MYO18B: variants seen among roughly 807,000 people sequenced by gnomAD.
MYO18B encodes the protein myosin XVIIIB, also known as unconventional myosin-XVIIIb.
A neutral mutation model predicts 273.0 loss-of-function variants in MYO18B; 204 were observed. That is an observed-to-expected ratio of 0.75 (90% CI 0.67 to 0.84). MYO18B has a LOEUF of 0.84. MYO18B is among the 40% of genes least tolerant of loss of function. MYO18B has a pLI of 0.00. For synonymous variants in MYO18B, 1,330 were observed against 1,305.7 expected (o/e 1.02, Z -0.40); for missense variants, 3,212 against 3,287.6 (o/e 0.98, Z 0.56).
chr22:25,922,352 TGGC>T (rs1210255553), intron 34 of MYO18B, among the ~76,000 whole-genome samples: 1 of 152,070 alleles, frequency 6.6e-6, no homozygotes, highest in Non-Finnish European at 1.5e-5. Flanking sequence ...GCGGTTGCGG[TGGC>T]AGACTGTGGC....
intron 32 of MYO18B, among the ~76,000 whole-genome samples, 159 bp downstream of exon 32, chr22:25,908,591 T>A (rs544421890): frequency 1.5e-4 from 23 of 152,288 alleles, no homozygotes; most frequent in African/African-American, 5.5e-4. Flanking sequence ...TTCAAAGGTG[T>A]AGGAGCGGAA....
chr22:25,752,925 A>T (rs1353225085), intron 1 of MYO18B, among the ~76,000 whole-genome samples: 3 of 152,176 alleles, frequency 2.0e-5, no homozygotes, highest in Admixed American at 1.3e-4. Flanking sequence ...AGCCCCGGAC[A>T]GTGAGGCGCT....
At chr22:26,017,994 G>A (rs1285264927) in intron 42 of MYO18B, among the ~76,000 whole-genome samples, 3 of 145,340 alleles carry the variant, frequency 2.1e-5, no homozygotes, top group Admixed American at 2.1e-4. Context: ...TTTTTTTGCG[G>A]GGGCAGGGGG....
At chr22:26,024,065 CAGA>C (rs1326998951) in intron 42 of MYO18B, among the ~76,000 whole-genome samples, 1 of 152,194 alleles carries the variant, frequency 6.6e-6, no homozygotes, top group Non-Finnish European at 1.5e-5. Flanking sequence ...TACGGTGAGA[CAGA>C]AGGTCACTTG....
intron 34 of MYO18B, among the ~76,000 whole-genome samples, chr22:25,927,070 A>G (rs1280795742): frequency 1.3e-5 from 2 of 152,156 alleles, no homozygotes; most frequent in African/African-American, 4.8e-5. Flanking sequence ...GAGGATGTAT[A>G]TCGCCTCAGG....
intron 12 of MYO18B, among the ~76,000 whole-genome samples, chr22:25,804,401 T>C (rs1157668827): frequency 6.6e-6 from 1 of 152,202 alleles, no homozygotes; most frequent in East Asian, 1.9e-4. Context: ...TCACCGGACC[T>C]GAGGAAATAT....
At chr22:25,745,831 G>T (rs1418830133) in intron 1 of MYO18B, among the ~76,000 whole-genome samples, 7 of 152,170 alleles carry the variant, frequency 4.6e-5, no homozygotes, top group Non-Finnish European at 8.8e-5. Flanking sequence ...GGTACCAGCT[G>T]GGGTTTGAGT....
intron 22 of MYO18B, among the ~76,000 whole-genome samples, chr22:25,869,613 C>T (rs537313951): frequency 1.3e-5 from 2 of 152,278 alleles, no homozygotes; most frequent in East Asian, 1.9e-4. Flanking sequence ...TTGTCAATGG[C>T]CTTCCACCTC....
chr22:25,743,051 C>T (rs894133778), intron 1 of MYO18B, among the ~76,000 whole-genome samples: 1 of 152,252 alleles, frequency 6.6e-6, no homozygotes, highest in Non-Finnish European at 1.5e-5. Flanking sequence ...TGCCTTCCTG[C>T]AGCTTTTCCA....
chr22:25,901,259 A>T (rs767821229), intron 29 of MYO18B: 1 of 152,248 alleles, frequency 6.6e-6, no homozygotes, highest in Non-Finnish European at 1.5e-5. Flanking sequence ...CTTGCCACCA[A>T]AGGCCAAACC....
chr22:25,816,225 C>T lies in MYO18B; in HGVS notation c.2522-7280C>T, dbSNP rs569895765. On this transcript the variant is annotated intron_variant, in intron 12 of 43. Coordinates refer to ENST00000335473, the MANE Select transcript of MYO18B (RefSeq NM_032608.7). The stretch of plus-strand genomic sequence containing the variant: ...TGAATTGGATTTTCTCCCGGGGTTT[C>T]TCTTTCTGACCCATTTGTCATTTTT... 3.3e-5 allele frequency among the ~76,000 whole-genome samples: 5 copies of T among 152,310 alleles called. No homozygotes were observed. The East Asian group carries it at 9.6e-4, about 29-fold the overall frequency.
intron 13 of MYO18B, among the ~76,000 whole-genome samples, chr22:25,824,338 T>C (rs2089406873): frequency 6.6e-6 from 1 of 152,072 alleles, no homozygotes; most frequent in Non-Finnish European, 1.5e-5. Context: ...GGGGCTAGTT[T>C]ACAAGCTGAG....
chr22:25,781,765 G>T lies in MYO18B; in HGVS notation c.2243G>T (p.Arg748Leu). 6.3e-7 allele frequency: 1 copy of T among 1,589,946 alleles called. No individual in the cohort carries two copies. The highest frequency in any genetic ancestry group is 8.6e-7 in the Non-Finnish European group (1 of 1,169,326). Reference sequence around the variant, plus strand: ...CTTTTGGAGAAGAGCCGCGTGGCACGGCAGCCGGAAGGGGAAAGTAACTTC... The same window carrying T: ...CTTTTGGAGAAGAGCCGCGTGGCACTGCAGCCGGAAGGGGAAAGTAACTTC... ...TMLLEKSRVARQPEGESNFLV... is the reference protein window; with the variant it reads ...TMLLEKSRVALQPEGESNFLV... Residue 748 changes from arginine (R) to leucine (L), a missense_variant, in exon 10 of 44, where the codon CGG becomes CTG. Arg to Leu is a moderately radical substitution (Grantham distance 102, BLOSUM62 -2). Transcript: ENST00000335473.
chr22:25,894,970 T>C (rs1182391537), intron 27 of MYO18B, 186 bp from the exon 28 acceptor site: 1 of 660,630 alleles, frequency 1.5e-6, no homozygotes, highest in Non-Finnish European at 2.5e-6. Context: ...ACAGGCTGCC[T>C]GGAGGAAGCG....
In MYO18B at chr22:25,843,909, G is replaced by A. The variant is rs1411096278; in HGVS notation, c.3368+15G>A. 7 of 1,592,960 alleles carry A rather than the reference G, an allele frequency of 4.4e-6. No individual in the cohort carries two copies. The highest frequency in any genetic ancestry group is 6.0e-6 in the Non-Finnish European group (7 of 1,163,128). ...CAGTCAAAAAGGTGAGTTGGGTCAG[G>A]GTTGGGGACGGGGATGGAGCATTGG... On this transcript the variant is annotated intron_variant, in intron 18 of 43. Transcript: ENST00000335473.
Position 25,894,919 on chromosome 22 carries a change from A to G in MYO18B, c.4544-237A>G, listed in dbSNP as rs1222266149. ...AGTATAAGGCAACCAATCTTAGAAG[A>G]GTGAGCACTCAAGAACTTTAGACAG... is the stretch of plus-strand genomic sequence containing the variant. On this transcript the variant is annotated intron_variant, in intron 27 of 43. Coordinates refer to ENST00000335473, the MANE Select transcript of MYO18B (RefSeq NM_032608.7). The G allele has an allele frequency of 6.2e-6, 3 of 485,340 alleles. No individual in the cohort carries two copies. In the East Asian group the frequency reaches 1.1e-4, roughly 17 times the overall value. 30.1% of individuals were successfully genotyped at this position (485,340 alleles called of 1,614,324 possible). A position where few individuals can be genotyped will look rare whatever the true frequency, so the allele number is the denominator to read the frequency against.
the MYO18B span, among the ~76,000 whole-genome samples, chr22:26,041,111 A>G: frequency 6.6e-6 from 1 of 152,120 alleles, no homozygotes; most frequent in East Asian, 1.9e-4. Flanking sequence ...CCCAACAGAA[A>G]CTCATAAACT....
the MYO18B span, among the ~76,000 whole-genome samples, chr22:26,052,850 T>G: frequency 1.3e-5 from 2 of 151,154 alleles, no homozygotes; most frequent in East Asian, 3.9e-4. Context: ...TCGCTCAGGC[T>G]GGAGTGCAGT....
At position 25,883,959 on chromosome 22, in the gene MYO18B, G is replaced by C. The variant is rs572679146; in HGVS notation, c.4314+5911G>C. On this transcript the variant is annotated intron_variant, in intron 25 of 43. Transcript: ENST00000335473. This position sits in a 1 kb window ranked among gnomAD's most constrained non-coding sequence, Gnocchi z 7.6. ...AGAAGGCAGTGCTGGCCTTCTTGTT[G>C]GAAGCACCTGTAAGGTTTTGGGACC... is the stretch of plus-strand genomic sequence containing the variant. Among the ~76,000 whole-genome samples, 1 of 152,230 alleles carries C rather than the reference G, an allele frequency of 6.6e-6. No homozygotes were observed. Among genetic ancestry groups the C allele is most frequent in the South Asian group, 2.1e-4 (1 of 4,824 alleles).
Sources: allele counts gnomAD v4.1 joint callset (sites outside exome capture counted in the v4.1 genomes callset), GRCh38; gene constraint gnomAD v4.1.1; non-coding constraint Gnocchi (gnomAD v3.1); transcripts MANE v1.5; gene names NCBI Gene and HGNC (gene_info 2026-07-23, HGNC 2026-07-21).